Variants in MPPED2 observed in about 807,000 individuals in gnomAD.
MPPED2 encodes metallophosphoesterase domain containing 2, also known as metallophosphoesterase MPPED2.
MPPED2 carries 5 observed loss-of-function variants against 33.0 expected under a neutral mutation model. The observed-to-expected ratio is 0.15, with a 90% CI of 0.08 to 0.32. The LOEUF (loss-of-function observed/expected upper bound fraction) is 0.32. Among genes scored for constraint, MPPED2 ranks in the 10% least tolerant of loss-of-function variants. The pLI is 1.00. For missense variants in MPPED2, 275 were observed against 372.1 expected (o/e 0.74, Z 2.15); for synonymous variants, 136 against 141.9 (o/e 0.96, Z 0.29).
chr11:30,442,869 C>A (rs1329762946), intron 4 of MPPED2, among the ~76,000 whole-genome samples: 1 of 152,150 alleles, frequency 6.6e-6, no homozygotes, highest in Non-Finnish European at 1.5e-5. Context: ...AAAAAATTAA[C>A]TGGGTATGGT....
At chr11:30,581,909 C>T (rs930214529) in intron 1 of MPPED2, among the ~76,000 whole-genome samples, 1 of 152,190 alleles carries the variant, frequency 6.6e-6, no homozygotes, top group Non-Finnish European at 1.5e-5. Flanking sequence ...TTTGGGTTCT[C>T]TTTCTTTTTC....
chr11:30,403,952 A>G (rs1947950849), intron 6 of MPPED2, among the ~76,000 whole-genome samples: 1 of 152,200 alleles, frequency 6.6e-6, no homozygotes, highest in South Asian at 2.1e-4. Context: ...TCCTGTTATG[A>G]GTTCCAGAGA....
At chr11:30,424,574 G>A (rs993886242) in intron 4 of MPPED2, among the ~76,000 whole-genome samples, 1 of 152,098 alleles carries the variant, frequency 6.6e-6, no homozygotes, top group Non-Finnish European at 1.5e-5. Context: ...TCCCTTGACT[G>A]CAAAGCTTCC....
chr11:30,519,465 A>G (rs549831834), intron 3 of MPPED2, among the ~76,000 whole-genome samples: 3 of 151,984 alleles, frequency 2.0e-5, no homozygotes, highest in East Asian at 2.0e-4. Flanking sequence ...TGGTGGTGGT[A>G]GTGGTAGTAA....
intron 4 of MPPED2, among the ~76,000 whole-genome samples, chr11:30,450,593 T>C (rs983905052): frequency 6.6e-6 from 1 of 152,214 alleles, no homozygotes; most frequent in African/African-American, 2.4e-5. Flanking sequence ...CCTGCATTCA[T>C]AGGATAAGCA....
chr11:30,579,002 C>CT (rs57264756), intron 2 of MPPED2, among the ~76,000 whole-genome samples: 63,679 of 140,808 alleles, frequency 0.45, 14,735 homozygotes, highest in East Asian at 0.62. Context: ...TTGTCTTTTC[C>CT]TTTTTTTTTT....
At chr11:30,554,824 C>A (rs1955889957) in intron 2 of MPPED2, among the ~76,000 whole-genome samples, 1 of 152,098 alleles carries the variant, frequency 6.6e-6, no homozygotes, top group South Asian at 2.1e-4. Flanking sequence ...GTTAGAAGAT[C>A]CCCACGTGTG....
intron 4 of MPPED2, among the ~76,000 whole-genome samples, chr11:30,467,199 T>C (rs1043921025): frequency 6.6e-6 from 1 of 152,080 alleles, no homozygotes; most frequent in Non-Finnish European, 1.5e-5. Flanking sequence ...TCAACACATA[T>C]GGGAGGAGAG....
chr11:30,584,174 C>A (rs1273546974), intron 1 of MPPED2: 1 of 152,106 alleles, frequency 6.6e-6, no homozygotes, highest in East Asian at 1.9e-4. Flanking sequence ...CACATTCTTT[C>A]GGAGAGGGAG....
At chr11:30,466,814 G>A (rs1256590816) in intron 4 of MPPED2, among the ~76,000 whole-genome samples, 1 of 152,156 alleles carries the variant, frequency 6.6e-6, no homozygotes, top group Admixed American at 6.5e-5. Context: ...AGAGATAATT[G>A]TTAAGGCCTA....
At chr11:30,413,005 C>G (rs1296605581) in intron 6 of MPPED2, among the ~76,000 whole-genome samples, 1 of 152,178 alleles carries the variant, frequency 6.6e-6, no homozygotes, top group Non-Finnish European at 1.5e-5. Context: ...TTCCCTCCAT[C>G]ATACCTTAGG....
chr11:30,445,269 A>G (rs1464703316), intron 4 of MPPED2, among the ~76,000 whole-genome samples: 1 of 152,190 alleles, frequency 6.6e-6, no homozygotes, highest in Non-Finnish European at 1.5e-5. Context: ...TCTCTTATAA[A>G]TGGAAAACAA....
chr11:30,569,833 A>G (rs1244898063), intron 2 of MPPED2, among the ~76,000 whole-genome samples: 1 of 152,146 alleles, frequency 6.6e-6, no homozygotes, highest in Non-Finnish European at 1.5e-5. Context: ...CGTGTACCCT[A>G]GAAAGCCAAG....
At position 30,453,089 on chromosome 11, in the gene MPPED2, C is replaced by A. The variant is rs74334004; in HGVS notation, c.537-35456G>T. 9.1e-3 allele frequency among the ~76,000 whole-genome samples: 1,387 copies of A among 152,214 alleles called. 34 individuals carry two copies. The highest frequency in any genetic ancestry group is 0.029 in the African/African-American group (1,221 of 41,528). On this transcript the variant is annotated intron_variant, in intron 4 of 6. Transcript: ENST00000358117. Reference sequence around the variant, plus strand: ...CACAACCCTTGAACTTTTCTTCCCCCACTGAGAACATTAAATAAATATAAA... The same window carrying A: ...CACAACCCTTGAACTTTTCTTCCCCAACTGAGAACATTAAATAAATATAAA...
intron 1 of MPPED2, among the ~76,000 whole-genome samples, chr11:30,582,494 G>T (rs150117545): frequency 1.3e-5 from 2 of 152,252 alleles, no homozygotes; most frequent in African/African-American, 4.8e-5. Flanking sequence ...TGTCTAGACC[G>T]CTGTGACCTC....
At chr11:30,574,693 G>C (rs1956845637) in intron 2 of MPPED2, among the ~76,000 whole-genome samples, 1 of 152,048 alleles carries the variant, frequency 6.6e-6, no homozygotes, top group South Asian at 2.1e-4. Context: ...GAAAATAGAA[G>C]ATTTGCATCA....
At chr11:30,437,725 A>C (rs1337421644) in intron 4 of MPPED2, among the ~76,000 whole-genome samples, 1 of 152,084 alleles carries the variant, frequency 6.6e-6, no homozygotes, top group Non-Finnish European at 1.5e-5. Flanking sequence ...TGAATTATTA[A>C]CCCTGGAAAA....
At chr11:30,448,682 A>AT (rs370379481) in intron 4 of MPPED2, among the ~76,000 whole-genome samples, 5,263 of 145,898 alleles carry the variant, frequency 0.036, 121 homozygotes, top group Admixed American at 0.069. Flanking sequence ...ACTCCCCACT[A>AT]TTTTTTTTTT....
At chr11:30,517,253 G>A (rs185730487) in intron 3 of MPPED2, among the ~76,000 whole-genome samples, 3 of 152,050 alleles carry the variant, frequency 2.0e-5, no homozygotes, top group African/African-American at 7.2e-5. Context: ...CATTGTTACT[G>A]CTGACTGGGA....
Sources: allele counts gnomAD v4.1 joint callset (sites outside exome capture counted in the v4.1 genomes callset), GRCh38; gene constraint gnomAD v4.1.1; transcripts MANE v1.5; gene names NCBI Gene and HGNC (gene_info 2026-07-23, HGNC 2026-07-21).